The following LRFN2 variants were observed in gnomAD, a reference collection of about 807,000 sequenced individuals.
LRFN2 encodes leucine-rich repeat and fibronectin type-III domain-containing protein 2.
LRFN2 carries 18 observed loss-of-function variants against 37.3 expected under a neutral mutation model. The observed-to-expected ratio is 0.48, with a 90% CI of 0.33 to 0.72. LRFN2 has a LOEUF of 0.72. Among genes scored for constraint, LRFN2 ranks in the 30% least tolerant of loss-of-function variants. The pLI is 0.02. For missense variants in LRFN2, 1,006 were observed against 1,060.7 expected, an observed-to-expected ratio of 0.95 and a Z score of 0.72; for synonymous variants, 556 against 466.6, an observed-to-expected ratio of 1.19 and a Z score of -2.47.
intron 1 of LRFN2, 88 bp from the exon 2 acceptor site, chr6:40,433,219 G>T (rs1763559236): frequency 2.7e-6 from 3 of 1,116,330 alleles, no homozygotes; most frequent in Non-Finnish European, 3.7e-6. Context: ...AACCCTCACT[G>T]CCTTAGGGAG....
intron 1 of LRFN2, among the ~76,000 whole-genome samples, chr6:40,533,374 A>AACACACACACACACAC (rs58462773): frequency 7.0e-4 from 100 of 143,064 alleles, no homozygotes; most frequent in African/African-American, 2.4e-3. Flanking sequence ...TCTTGCTCAA[A>AACACACACACACACAC]ACACACACAC....
At chr6:40,500,466 G>A (rs1336363484) in intron 1 of LRFN2, among the ~76,000 whole-genome samples, 1 of 152,250 alleles carries the variant, frequency 6.6e-6, no homozygotes, top group African/African-American at 2.4e-5. Context: ...CTCAGCCCTT[G>A]TTGATTCTGT....
rs1764018250 is a variant in LRFN2, at chr6:40,448,208, A to G, written c.-18-15077T>C. 2.0e-5 allele frequency among the ~76,000 whole-genome samples: 3 copies of G among 152,116 alleles called. No homozygotes were observed. The South Asian group carries it at 6.2e-4, about 31-fold the overall frequency. On this transcript the variant is annotated intron_variant, in intron 1 of 2. Coordinates refer to ENST00000338305, the MANE Select transcript of LRFN2 (RefSeq NM_020737.3). ...GCTTGCTGAGTTGGGGAAGCAGCTC[A>G]TACCTTCCCACTATGAAGAGGAGAA...
chr6:40,581,602 G>T (rs1030451174), intron 1 of LRFN2, among the ~76,000 whole-genome samples: 1 of 152,192 alleles, frequency 6.6e-6, no homozygotes, highest in Non-Finnish European at 1.5e-5. Context: ...TACAGGAAAG[G>T]TTGAATCAAG....
At chr6:40,568,451 G>A (rs930421276) in intron 1 of LRFN2, among the ~76,000 whole-genome samples, 11 of 152,196 alleles carry the variant, frequency 7.2e-5, no homozygotes, top group Admixed American at 5.2e-4. Flanking sequence ...AGCCAAAATG[G>A]CCCACATGGG....
At chr6:40,571,981 CA>C (rs1360802939) in intron 1 of LRFN2, among the ~76,000 whole-genome samples, 3 of 152,186 alleles carry the variant, frequency 2.0e-5, no homozygotes, top group Admixed American at 6.5e-5. Flanking sequence ...GTCTCCAAAA[CA>C]GGGGGGGCTC....
intron 1 of LRFN2, among the ~76,000 whole-genome samples, chr6:40,539,695 C>T (rs1179031297): frequency 6.6e-6 from 1 of 152,204 alleles, no homozygotes; most frequent in African/African-American, 2.4e-5. Flanking sequence ...GCCCCCATGG[C>T]ACTGGGGAGC....
At chr6:40,513,309 C>T (rs905822640) in intron 1 of LRFN2, among the ~76,000 whole-genome samples, 33 of 151,936 alleles carry the variant, frequency 2.2e-4, no homozygotes, top group Middle Eastern at 3.4e-3. Context: ...TCTTGGCTCA[C>T]TACAACCTCT....
chr6:40,582,894 C>A (rs75827400), intron 1 of LRFN2, among the ~76,000 whole-genome samples: 1,529 of 152,226 alleles, frequency 0.01, 29 homozygotes, highest in African/African-American at 0.034. Flanking sequence ...ACTGTCCCGA[C>A]CTCCCATCTT....
chr6:40,428,954 A>G (rs1763416148), intron 2 of LRFN2, among the ~76,000 whole-genome samples: 1 of 152,160 alleles, frequency 6.6e-6, no homozygotes, highest in South Asian at 2.1e-4. Flanking sequence ...TACTACTATT[A>G]TCCTCACTGC....
At chr6:40,548,179 C>T (rs1000116597) in intron 1 of LRFN2, among the ~76,000 whole-genome samples, 6 of 152,148 alleles carry the variant, frequency 3.9e-5, no homozygotes, top group African/African-American at 1.4e-4. Flanking sequence ...GTGGCTCACA[C>T]CTATAATCCC....
At chr6:40,524,323 C>T (rs1047506224) in intron 1 of LRFN2, among the ~76,000 whole-genome samples, 1 of 152,098 alleles carries the variant, frequency 6.6e-6, no homozygotes, top group Non-Finnish European at 1.5e-5. Context: ...TGGATGCCTG[C>T]CTGCCCTGAT....
chr6:40,525,278 G>A (rs139380239), intron 1 of LRFN2, among the ~76,000 whole-genome samples: 4 of 152,170 alleles, frequency 2.6e-5, no homozygotes, highest in Non-Finnish European at 4.4e-5. Context: ...AAGCAAGGGC[G>A]GCCCTGCTGC....
At chr6:40,440,484 G>A (rs1044841960) in intron 1 of LRFN2, among the ~76,000 whole-genome samples, 4 of 151,490 alleles carry the variant, frequency 2.6e-5, no homozygotes, top group Non-Finnish European at 5.9e-5. Flanking sequence ...GAGAATGAAC[G>A]AATGAATGAA....
chr6:40,470,949 T>C (rs1244575663), intron 1 of LRFN2, among the ~76,000 whole-genome samples: 2 of 152,060 alleles, frequency 1.3e-5, no homozygotes, highest in African/African-American at 2.4e-5. Flanking sequence ...CTACGGAGGA[T>C]TGCAAGGACC....
At position 40,392,098 on chromosome 6, in the gene LRFN2, G is replaced by A; in HGVS notation, c.2215C>T (p.Pro739Ser). The A allele has an allele frequency of 6.2e-7, 1 of 1,613,634 alleles. No homozygotes were observed. Among genetic ancestry groups the A allele is most frequent in the Non-Finnish European group, 8.5e-7 (1 of 1,179,920 alleles). The change falls in exon 3 of 3, where the codon CCG becomes TCG. Residue 739 changes from proline to serine, a missense_variant. This residue lies in a region of LRFN2 where 398 missense variants were observed against 327.6 expected (regional missense o/e 1.21). Transcript: ENST00000338305. The surrounding 1 kb of genome is among the most constrained non-coding windows in gnomAD (Gnocchi z 4.7). ...FAAAAAGGVV[P>S]GGYSPPRKVS... is the part of the protein sequence containing the mutation. ...TTCCGAGGAGGACTGTAGCCGCCCG[G>A]CACGACCCCTCCCGCCGCCGCAGCA...
intron 1 of LRFN2, among the ~76,000 whole-genome samples, chr6:40,578,513 G>A (rs140860755): frequency 2.7e-3 from 408 of 152,274 alleles, no homozygotes; most frequent in Non-Finnish European, 5.0e-3. Flanking sequence ...TGCCTGGTAG[G>A]ATTGTTGCAA....
At chr6:40,397,176 C>T (rs1337224351) in intron 2 of LRFN2, among the ~76,000 whole-genome samples, 1 of 152,192 alleles carries the variant, frequency 6.6e-6, no homozygotes. Flanking sequence ...TCCCCCTGTC[C>T]ACCTCATCAT....
At chr6:40,489,886 G>C (rs140176676) in intron 1 of LRFN2, among the ~76,000 whole-genome samples, 1 of 152,098 alleles carries the variant, frequency 6.6e-6, no homozygotes, top group African/African-American at 2.4e-5. Flanking sequence ...AGGCATGCCC[G>C]GGTGCCCCCA....
Sources: gnomAD v4.1 joint callset for allele counts (sites outside exome capture counted in the v4.1 genomes callset) on GRCh38, gnomAD v4.1.1 for gene constraint, gnomAD v4.1.1 regional missense constraint, Gnocchi (gnomAD v3.1) non-coding constraint, MANE v1.5 for transcripts, NCBI Gene and HGNC (gene_info 2026-07-23, HGNC 2026-07-21) for gene names.